The following CHTF8 variants were observed in gnomAD, a reference collection of about 807,000 sequenced individuals.
The protein encoded by CHTF8 is chromosome transmission fidelity protein 8 homolog.
CHTF8 carries 6 observed loss-of-function variants against 11.0 expected under a neutral mutation model. The observed-to-expected ratio is 0.55, with a 90% confidence interval of 0.30 to 1.08. The LOEUF (loss-of-function observed/expected upper bound fraction) is 1.08, where lower values mean the gene tolerates loss of function less well. CHTF8 is among the 50% of genes least tolerant of loss of function. The pLI is 0.07. For synonymous variants in CHTF8, 53 were observed against 60.5 expected (o/e 0.88, Z 0.57); for missense variants, 140 against 153.1 (o/e 0.91, Z 0.45).
chr16:69,121,030 C>G (rs1961612948), intron 3 of CHTF8, 23 bp downstream of exon 3: 1 of 1,591,424 alleles, frequency 6.3e-7, no homozygotes, highest in African/African-American at 1.3e-5. Flanking sequence ...AGGCATTAGG[C>G]AGGGAAAGAA....
Position 69,118,387 on chromosome 16 carries a change from C to T in CHTF8, c.*2038G>A. 1 of 1,612,646 alleles carries T rather than the reference C, an allele frequency of 6.2e-7. No homozygotes were observed. ...GGAAAGGTATGGCAGTAGAGGATGA[C>T]CAGGTCCAAGCTGCCCAGGTCAGAG... On this transcript the variant is annotated 3_prime_UTR_variant, in exon 4 of 4. Coordinates refer to ENST00000448552, the MANE Select transcript of CHTF8 (RefSeq NM_001039690.5).
intron 1 of CHTF8, among the ~76,000 whole-genome samples, chr16:69,124,998 G>A (rs538436549): frequency 3.2e-4 from 48 of 151,810 alleles, no homozygotes; most frequent in East Asian, 1.4e-3. Context: ...TCCACCTCCC[G>A]AATTCAAGCA....
In CHTF8 at chr16:69,119,258, G is replaced by A. The variant is rs1186533086; in HGVS notation, c.*1167C>T. 7.1e-6 allele frequency: 5 copies of A among 702,916 alleles called. No homozygotes were observed. The highest frequency in any genetic ancestry group is 1.3e-5 in the Non-Finnish European group (5 of 385,000). 43.5% of individuals were successfully genotyped at this position (702,916 alleles called of 1,614,324 possible). A position where few individuals can be genotyped will look rare whatever the true frequency, so the allele number is the denominator to read the frequency against. On this transcript the variant is annotated 3_prime_UTR_variant, in exon 4 of 4. Coordinates refer to ENST00000448552, the MANE Select transcript of CHTF8 (RefSeq NM_001039690.5). ...AAAATGGTTGGATTTGAGCCCTGGA[G>A]GCCAGCGGACCTTTGGAAGGTAGCT...
chr16:69,121,582 A>G (rs1961667041), intron 1 of CHTF8, 89 bp from the exon 2 acceptor site: 4 of 732,650 alleles, frequency 5.5e-6, no homozygotes, highest in East Asian at 2.8e-5. Flanking sequence ...GGTTCAATCG[A>G]TTCTCCTGCC....
At chr16:69,131,521 C>T (rs1194269799) in intron 1 of CHTF8, 1 of 148,294 alleles carries the variant, frequency 6.7e-6, no homozygotes, top group Non-Finnish European at 1.5e-5. Context: ...CCTCTCGGCC[C>T]CCTCCCACCC....
At chr16:69,123,972 C>G (rs920839254) in intron 1 of CHTF8, among the ~76,000 whole-genome samples, 3 of 148,488 alleles carry the variant, frequency 2.0e-5, no homozygotes, top group African/African-American at 5.0e-5. Flanking sequence ...GGTGTGGTGG[C>G]GCACGCCTGC....
At chr16:69,127,691 CCT>C (rs1407643140) in intron 1 of CHTF8, among the ~76,000 whole-genome samples, 2 of 147,680 alleles carry the variant, frequency 1.4e-5, no homozygotes, top group Non-Finnish European at 3.0e-5. Context: ...CTCATTGCAA[CCT>C]CTGTCTCCCA....
intron 1 of CHTF8, among the ~76,000 whole-genome samples, chr16:69,127,601 C>CCTT (rs1170530279): frequency 3.4e-4 from 35 of 104,412 alleles, no homozygotes; most frequent in African/African-American, 1.3e-3. Context: ...CTCCCGGCAA[C>CCTT]TTTTTTTTTT....
Position 69,119,329 on chromosome 16 carries a change from C to T in CHTF8, c.*1096G>A, listed in dbSNP as rs897465159. On this transcript the variant is annotated 3_prime_UTR_variant, in exon 4 of 4. Transcript: ENST00000448552. Reference sequence around the variant, plus strand: ...AGAAGACTGAGAAAAGGCAGATGAACCTGCTCCCCTGGGAAAGGGATTGGC... The same window carrying T: ...AGAAGACTGAGAAAAGGCAGATGAATCTGCTCCCCTGGGAAAGGGATTGGC... The T allele has an allele frequency of 1.4e-6, 1 of 703,072 alleles. No homozygotes were observed. The highest frequency in any genetic ancestry group is 2.7e-5 in the East Asian group (1 of 37,280). 43.6% of individuals were successfully genotyped at this position (703,072 alleles called of 1,614,324 possible).
chr16:69,130,891 C>T (rs1241895915), intron 1 of CHTF8, among the ~76,000 whole-genome samples: 1 of 152,190 alleles, frequency 6.6e-6, no homozygotes, highest in Non-Finnish European at 1.5e-5. Flanking sequence ...TGTGGTTCAC[C>T]AAACTGCTTC....
At chr16:69,124,292 A>G (rs952677716) in intron 1 of CHTF8, among the ~76,000 whole-genome samples, 4 of 152,236 alleles carry the variant, frequency 2.6e-5, no homozygotes, top group African/African-American at 9.7e-5. Flanking sequence ...CTTCTGGCTA[A>G]GTACTGTCAA....
Position 69,118,656 on chromosome 16 carries a change from CTGCCACAGTTCACA to C in CHTF8, c.*1755_*1768del. ...CTCTCAAGGGCAGGATTATTCCCAC[CTGCCACAGTTCACA>C]TGCCACAAATAACATCTCACCTTCA... On this transcript the variant is annotated 3_prime_UTR_variant, in exon 4 of 4. Coordinates refer to ENST00000448552, the MANE Select transcript of CHTF8 (RefSeq NM_001039690.5). 1 of 693,830 alleles carries C rather than the reference CTGCCACAGTTCACA, an allele frequency of 1.4e-6. No individual in the cohort carries two copies. The highest frequency in any genetic ancestry group is 2.6e-6 in the Non-Finnish European group (1 of 379,878). 43.0% of individuals were successfully genotyped at this position (693,830 alleles called of 1,614,324 possible).
At chr16:69,129,378 C>T (rs1410254388) in intron 1 of CHTF8, among the ~76,000 whole-genome samples, 12 of 144,740 alleles carry the variant, frequency 8.3e-5, no homozygotes, top group East Asian at 2.0e-4. Flanking sequence ...TGCAGTGAGC[C>T]GACATCACGC....
chr16:69,121,434 AC>A lies in CHTF8; in HGVS notation c.23+1del, dbSNP rs765029061. On this transcript the variant is annotated splice_donor_variant, in intron 2 of 3. Transcript: ENST00000448552. LOFTEE classifies it high-confidence loss of function. Reference sequence around the variant, plus strand: ...AATTTTAAAATCTCAAAATGTACTTACCTGGAAATAACAATTTGCACCATGA... The same window carrying A: ...AATTTTAAAATCTCAAAATGTACTTACTGGAAATAACAATTTGCACCATGA... 2.5e-6 allele frequency: 4 copies of A among 1,607,146 alleles called. No homozygotes were observed. In the African/African-American group the frequency reaches 5.4e-5, roughly 22 times the overall value.
rs1009321673 is a variant in CHTF8, at chr16:69,119,936, G to A, written c.*489C>T. The A allele has an allele frequency of 4.3e-6, 3 of 702,172 alleles. No homozygotes were observed. The African/African-American group carries it at 5.2e-5, about 12-fold the overall frequency. 43.5% of individuals were successfully genotyped at this position (702,172 alleles called of 1,614,324 possible). On this transcript the variant is annotated 3_prime_UTR_variant, in exon 4 of 4. Transcript: ENST00000448552. ...CCTCTGGGGTCAGGACCTGCTCCCA[G>A]GAGACCACCTGCCCTTGGGTTGGAC...
intron 1 of CHTF8, chr16:69,132,212 C>G (rs1289752521): frequency 1.3e-5 from 2 of 152,820 alleles, no homozygotes; most frequent in African/African-American, 4.9e-5. Context: ...GTCTCCACAC[C>G]GCTCCCTTCC....
intron 1 of CHTF8, among the ~76,000 whole-genome samples, chr16:69,131,601 C>A (rs929456924): frequency 7.0e-6 from 1 of 142,714 alleles, no homozygotes; most frequent in Non-Finnish European, 1.5e-5. Flanking sequence ...CAATCCGCTT[C>A]CCCCCTCTTC....
chr16:69,120,039 G>A lies in CHTF8; in HGVS notation c.*386C>T, dbSNP rs1465497789. 4.3e-6 allele frequency: 3 copies of A among 690,528 alleles called. No individual in the cohort carries two copies. Among genetic ancestry groups the A allele is most frequent in the Admixed American group, 2.1e-5 (1 of 46,966 alleles). 42.8% of individuals were successfully genotyped at this position (690,528 alleles called of 1,614,324 possible). A position where few individuals can be genotyped will look rare whatever the true frequency, so the allele number is the denominator to read the frequency against. On this transcript the variant is annotated 3_prime_UTR_variant, in exon 4 of 4. Coordinates refer to ENST00000448552, the MANE Select transcript of CHTF8 (RefSeq NM_001039690.5). The surrounding 1 kb of genome is among the most constrained non-coding windows in gnomAD (Gnocchi z 4.0). ...GGCCTGGCAGAGCCCCTGTCCTAGG[G>A]TTTAGGGTGGGGCCTGGGCCTGGGC...
chr16:69,121,503 GA>G lies in CHTF8; in HGVS notation c.-35-11del. On this transcript the variant is annotated splice_polypyrimidine_tract_variant and intron_variant, in intron 1 of 3. Coordinates refer to ENST00000448552, the MANE Select transcript of CHTF8 (RefSeq NM_001039690.5). ...AGCAAGTGAAAACAAGCTGTAGAGA[GA>G]AAAAAAGAGATTTAGGGTAATAACA... 2.6e-6 allele frequency: 4 copies of G among 1,526,304 alleles called. No individual in the cohort carries two copies. Among genetic ancestry groups the G allele is most frequent in the Admixed American group, 2.0e-5 (1 of 49,688 alleles). 94.5% of individuals were successfully genotyped at this position (1,526,304 alleles called of 1,614,324 possible).
Sources: allele counts gnomAD v4.1 joint callset (sites outside exome capture counted in the v4.1 genomes callset), GRCh38; gene constraint gnomAD v4.1.1; non-coding constraint Gnocchi (gnomAD v3.1); transcripts MANE v1.5; gene names NCBI Gene and HGNC (gene_info 2026-07-23, HGNC 2026-07-21).